PRIM2: variants seen among roughly 807,000 people sequenced by gnomAD.
PRIM2 encodes the protein DNA primase large subunit.
PRIM2 carries 39 observed loss-of-function variants against 67.3 expected under a neutral mutation model. That is an observed-to-expected ratio of 0.58 (90% CI 0.45 to 0.76). The LOEUF (loss-of-function observed/expected upper bound fraction) is 0.76. PRIM2 is among the 30% of genes least tolerant of loss of function. The pLI, the probability that PRIM2 is intolerant of heterozygous loss-of-function variation, is 0.00. For synonymous variants in PRIM2, 143 were observed against 198.7 expected (o/e 0.72, Z 2.36); for missense variants, 398 against 598.7 (o/e 0.66, Z 3.50).
chr6:57,474,366 G>C (rs1239421768), intron 7 of PRIM2, among the ~76,000 whole-genome samples: 1 of 151,692 alleles, frequency 6.6e-6, no homozygotes, highest in Non-Finnish European at 1.5e-5. Flanking sequence ...AGTAGAGACA[G>C]GGTTTCACCT....
At chr6:57,634,089 A>G (rs1418666771) in intron 13 of PRIM2, among the ~76,000 whole-genome samples, 1 of 152,248 alleles carries the variant, frequency 6.6e-6, no homozygotes, top group East Asian at 1.9e-4. Flanking sequence ...TATAGGGGAT[A>G]GAACTTAGAT....
intron 12 of PRIM2, 49 bp downstream of exon 12, chr6:57,606,506 G>A: frequency 4.2e-6 from 6 of 1,434,286 alleles, no homozygotes; most frequent in Non-Finnish European, 5.8e-6. Flanking sequence ...GCCTTAGATA[G>A]ATCTCTCGGT....
chr6:57,592,415 A>T (rs1481262774), intron 10 of PRIM2, among the ~76,000 whole-genome samples: 2 of 152,146 alleles, frequency 1.3e-5, no homozygotes, highest in Non-Finnish European at 2.9e-5. Flanking sequence ...TTTGAATACA[A>T]ATCTCTCTCT....
chr6:57,644,652 A>G (rs1210266435), intron 13 of PRIM2, among the ~76,000 whole-genome samples: 2 of 152,234 alleles, frequency 1.3e-5, no homozygotes, highest in African/African-American at 4.8e-5. Flanking sequence ...TTAGATACCT[A>G]CAGTGTGCAA....
At chr6:57,345,478 G>GTA (rs1768644325) in intron 5 of PRIM2, among the ~76,000 whole-genome samples, 1 of 70,866 alleles carries the variant, frequency 1.4e-5, no homozygotes, top group Non-Finnish European at 2.9e-5. Context: ...ATATATATGT[G>GTA]TGTGTGTGTG....
chr6:57,413,922 C>T (rs1486192540), intron 7 of PRIM2, among the ~76,000 whole-genome samples: 3 of 152,044 alleles, frequency 2.0e-5, no homozygotes, highest in African/African-American at 7.2e-5. Flanking sequence ...AGTACAGATG[C>T]TTTAACTAGT....
rs147305227 is a variant in PRIM2, at chr6:57,325,839, G to A, written c.339-86G>A. ...TGCTGTCCATTGGCATCTTGCTGAT[G>A]TTTGAATATTGTTTTATAAACATTT... On this transcript the variant is annotated intron_variant, in intron 4 of 13. Transcript: ENST00000615550. 5.8e-6 allele frequency: 8 copies of A among 1,372,706 alleles called. No homozygotes were observed. In the African/African-American group the frequency reaches 1.2e-4, roughly 20 times the overall value. 85.0% of individuals were successfully genotyped at this position (1,372,706 alleles called of 1,614,324 possible).
chr6:57,318,405 C>A, intron 1 of PRIM2, 32 bp from the exon 2 acceptor site: 1 of 1,511,128 alleles, frequency 6.6e-7, no homozygotes, highest in Non-Finnish European at 8.9e-7. Context: ...TGTTTTCCAT[C>A]ATTTTACGCT....
intron 5 of PRIM2, among the ~76,000 whole-genome samples, chr6:57,362,320 T>C (rs1769228360): frequency 6.6e-6 from 1 of 152,306 alleles, no homozygotes; most frequent in East Asian, 1.9e-4. Context: ...TGATTTCCTA[T>C]GGTCTATAAG....
the PRIM2 span, among the ~76,000 whole-genome samples, chr6:57,292,761 G>C: frequency 6.6e-6 from 1 of 152,158 alleles, no homozygotes; most frequent in Non-Finnish European, 1.5e-5. Context: ...TTTAATAAAT[G>C]GTGCTGGGAA....
intron 10 of PRIM2, among the ~76,000 whole-genome samples, chr6:57,594,164 GTCTT>G (rs1159891707): frequency 2.6e-5 from 4 of 152,190 alleles, no homozygotes; most frequent in African/African-American, 9.7e-5. Context: ...TGACTTGAAA[GTCTT>G]TCTTCTTTCT....
chr6:57,629,353 G>C (rs1368836739), intron 12 of PRIM2, among the ~76,000 whole-genome samples: 3 of 152,112 alleles, frequency 2.0e-5, no homozygotes, highest in Non-Finnish European at 4.4e-5. Context: ...TGGCTACTGC[G>C]TGATATTTTG....
At position 57,564,620 on chromosome 6, in the gene PRIM2, T is replaced by G. The variant is rs1333530349; in HGVS notation, c.1020+26995T>G. On this transcript the variant is annotated intron_variant, in intron 10 of 13. Transcript: ENST00000615550. ...AGCTACCTCGAAGCTATGAAATGAT[T>G]TATTCACTTTAGGGCAAAACTTATG... Among the ~76,000 whole-genome samples the G allele has an allele frequency of 1.4e-3, 213 of 152,324 alleles. 5 individuals carry two copies. The East Asian group carries it at 0.019, about 14-fold the overall frequency.
At chr6:57,642,433 A>ACT (rs1444848326) in intron 13 of PRIM2, among the ~76,000 whole-genome samples, 1 of 107,058 alleles carries the variant, frequency 9.3e-6, no homozygotes, top group East Asian at 3.4e-4. Flanking sequence ...TAAATATTAT[A>ACT]TCTTTTTTTT....
chr6:57,258,579 C>CT, the PRIM2 span, among the ~76,000 whole-genome samples: 1 of 147,828 alleles, frequency 6.8e-6, no homozygotes, highest in African/African-American at 2.5e-5. Flanking sequence ...CCCCAGCCCC[C>CT]ACCCCAACCC....
At chr6:57,277,943 C>T in the PRIM2 span, among the ~76,000 whole-genome samples, 1 of 151,918 alleles carries the variant, frequency 6.6e-6, no homozygotes, top group South Asian at 2.1e-4. Flanking sequence ...GAGATCGTGC[C>T]ACTGCGCTCC....
chr6:57,422,354 C>A (rs1304871810), intron 7 of PRIM2, among the ~76,000 whole-genome samples: 1 of 151,844 alleles, frequency 6.6e-6, no homozygotes, highest in Non-Finnish European at 1.5e-5. Flanking sequence ...CCGGGCTGGT[C>A]TTGAACTCCT....
intron 7 of PRIM2, among the ~76,000 whole-genome samples, chr6:57,503,173 A>G (rs1774175841): frequency 6.6e-6 from 1 of 152,188 alleles, no homozygotes; most frequent in Non-Finnish European, 1.5e-5. Flanking sequence ...AGTGATGACA[A>G]GATGGAAGAG....
intron 7 of PRIM2, among the ~76,000 whole-genome samples, chr6:57,457,117 GCAAATGTTCCTGCCTGATCGTT>G (rs1210646755): frequency 0.11 from 16,029 of 152,196 alleles, 933 homozygotes; most frequent in East Asian, 0.2. Context: ...TTGGTGAGCA[GCAAATGTTCCTGCCTGATCGTT>G]CCTCTGGAAG....
Sources: gnomAD v4.1 joint callset for allele counts (sites outside exome capture counted in the v4.1 genomes callset) on GRCh38, gnomAD v4.1.1 for gene constraint, MANE v1.5 for transcripts, NCBI Gene and HGNC (gene_info 2026-07-23, HGNC 2026-07-21) for gene names.